The following NUMB variants were observed in gnomAD, a reference collection of about 807,000 sequenced individuals.
NUMB encodes protein numb homolog.
A neutral mutation model predicts 59.7 loss-of-function variants in NUMB; 29 were observed. That is an observed-to-expected ratio of 0.49 (90% CI 0.36 to 0.66). The LOEUF is 0.66. Ranked by LOEUF, NUMB falls within the 30% of genes least tolerant of loss-of-function variation. The pLI, the probability that NUMB is intolerant of heterozygous loss-of-function variation, is 0.00. For synonymous variants in NUMB, 288 were observed against 288.2 expected, an observed-to-expected ratio of 1.00 and a Z score of 0.01; for missense variants, 723 against 822.0, an observed-to-expected ratio of 0.88 and a Z score of 1.47.
intron 6 of NUMB, among the ~76,000 whole-genome samples, chr14:73,310,742 A>G (rs189664994): frequency 0.064 from 9,745 of 152,214 alleles, 750 homozygotes; most frequent in African/African-American, 0.18. Flanking sequence ...AAAGCACATA[A>G]TAAACTATAA....
rs778679431 is a variant in NUMB at position 73,277,032 on chromosome 14, A to C, written c.1502T>G (p.Leu501Arg). ...QPVPVGVVPALQPAFVPAQSY... is the reference protein window; with the variant it reads ...QPVPVGVVPARQPAFVPAQSY... ...CTGGGCAGGGACAAAGGCTGGTTGCAGGGCTGGGACCACACCCACTGGCAC... is the reference window on the plus strand; with the variant it reads ...CTGGGCAGGGACAAAGGCTGGTTGCCGGGCTGGGACCACACCCACTGGCAC... Residue 501 changes from leucine (L) to arginine (R), a missense_variant, in exon 13 of 13, where the codon CTG becomes CGG. This residue lies in a region of NUMB where 406 missense variants were observed against 385.4 expected (regional missense o/e 1.05). Coordinates refer to ENST00000555238, the MANE Select transcript of NUMB (RefSeq NM_001005743.2). The C allele has an allele frequency of 6.2e-6, 10 of 1,613,988 alleles. No homozygotes were observed. Among genetic ancestry groups the C allele is most frequent in the Non-Finnish European group, 8.5e-6 (10 of 1,180,038 alleles).
intron 6 of NUMB, among the ~76,000 whole-genome samples, chr14:73,309,137 G>C (rs1396977811): frequency 1.3e-5 from 2 of 152,192 alleles, no homozygotes; most frequent in Non-Finnish European, 2.9e-5. Flanking sequence ...GGAGGAGTTG[G>C]CCTCTGTGAG....
At chr14:73,357,885 C>CT (rs1238794943) in intron 3 of NUMB, among the ~76,000 whole-genome samples, 1 of 139,168 alleles carries the variant, frequency 7.2e-6, no homozygotes, top group East Asian at 2.0e-4. Context: ...TCCTGAGGCC[C>CT]CCCCCAAAAA....
At chr14:73,309,718 T>TATAATAATAATAATAATA (rs199953380) in intron 6 of NUMB, among the ~76,000 whole-genome samples, 1 of 137,232 alleles carries the variant, frequency 7.3e-6, no homozygotes. Flanking sequence ...GAACTTAAGG[T>TATAATAATAATAATAATA]ATAATAATAA....
At chr14:73,342,192 T>C (rs1892671558) in intron 4 of NUMB, among the ~76,000 whole-genome samples, 1 of 152,242 alleles carries the variant, frequency 6.6e-6, no homozygotes, top group African/African-American at 2.4e-5. Context: ...CCACTGTCCC[T>C]GGCCCCATTT....
intron 2 of NUMB, 99 bp from the exon 3 acceptor site, chr14:73,367,080 TAA>T (rs1215395052): frequency 1.3e-5 from 2 of 151,740 alleles, no homozygotes; most frequent in African/African-American, 2.4e-5. Flanking sequence ...ACACACAAAA[TAA>T]AGAGGTCCCA....
chr14:73,397,812 T>C lies in NUMB; in HGVS notation c.-101+12125A>G, dbSNP rs552668960. 2.0e-5 allele frequency among the ~76,000 whole-genome samples: 3 copies of C among 152,338 alleles called. No homozygotes were observed. The South Asian group carries it at 6.2e-4, about 32-fold the overall frequency. ...CTATAAAGGTTTGGATTAAGAGTTC[T>C]GTATAGTTGGAAGTTTTGCACCCCC... On this transcript the variant is annotated intron_variant, in intron 2 of 12. Transcript: ENST00000555238.
rs1348576241 is a variant in NUMB at position 73,316,504 on chromosome 14, G to GA, written c.202-83dup. On this transcript the variant is annotated intron_variant, in intron 5 of 12. Transcript: ENST00000555238. Reference sequence around the variant, plus strand: ...AGTTTCACACCAATAAGCACATACAGAAATTGGGGAAAGGAAAAAGTGGGA... The same window carrying GA: ...AGTTTCACACCAATAAGCACATACAGAAAATTGGGGAAAGGAAAAAGTGGGA... The GA allele has an allele frequency of 3.0e-6, 4 of 1,318,458 alleles. No individual in the cohort carries two copies. The African/African-American group carries it at 4.4e-5, about 14-fold the overall frequency. 81.7% of individuals were successfully genotyped at this position (1,318,458 alleles called of 1,614,324 possible). A position where few individuals can be genotyped will look rare whatever the true frequency, so the allele number is the denominator to read the frequency against.
In NUMB at chr14:73,367,344, T is replaced by G. The variant is rs559842032; in HGVS notation, c.-100-363A>C. Among the ~76,000 whole-genome samples the G allele has an allele frequency of 8.0e-3, 671 of 84,070 alleles. 3 individuals are homozygous for G. The highest frequency in any genetic ancestry group is 0.014 in the African/African-American group (172 of 12,354). The allele number at this position is 84,070 out of a possible 152,430, so 55.2% of individuals were successfully genotyped here. ...ACACATATATACATATATATATATA[T>G]ATATAGAGAGAGAGAGAGAGAGAGA... On this transcript the variant is annotated intron_variant, in intron 2 of 12. Coordinates refer to ENST00000555238, the MANE Select transcript of NUMB (RefSeq NM_001005743.2).
chr14:73,345,986 T>C (rs907829865), intron 4 of NUMB, among the ~76,000 whole-genome samples: 1 of 152,166 alleles, frequency 6.6e-6, no homozygotes, highest in African/African-American at 2.4e-5. Context: ...GTGTGGTAAC[T>C]TGAATAGCAT....
intron 5 of NUMB, among the ~76,000 whole-genome samples, chr14:73,317,234 A>G (rs1231667483): frequency 6.6e-6 from 1 of 152,240 alleles, no homozygotes; most frequent in Admixed American, 6.5e-5. Context: ...GTGGGCCACA[A>G]CTGAAATTTA....
chr14:73,313,701 C>A (rs962215804), intron 6 of NUMB, among the ~76,000 whole-genome samples: 3 of 142,270 alleles, frequency 2.1e-5, no homozygotes, highest in Admixed American at 7.1e-5. Flanking sequence ...AATCCATAAC[C>A]CTTCAGGTCC....
chr14:73,443,353 T>C (rs1883208471), intron 1 of NUMB, among the ~76,000 whole-genome samples: 2 of 151,994 alleles, frequency 1.3e-5, no homozygotes, highest in Admixed American at 6.6e-5. Flanking sequence ...CCCAGCACTT[T>C]GGGAGGCTGA....
intron 6 of NUMB, among the ~76,000 whole-genome samples, chr14:73,307,731 T>C (rs1468393496): frequency 7.3e-6 from 1 of 137,136 alleles, no homozygotes; most frequent in East Asian, 2.2e-4. Context: ...CCTCTGTCTT[T>C]TTTTTTTTTT....
chr14:73,410,407 G>C (rs1282021459), intron 1 of NUMB, among the ~76,000 whole-genome samples: 2 of 152,192 alleles, frequency 1.3e-5, no homozygotes, highest in African/African-American at 4.8e-5. Flanking sequence ...CTAGGAGTCA[G>C]AAGACCTGGG....
chr14:73,367,774 C>CAAAAA (rs11463575), intron 2 of NUMB, among the ~76,000 whole-genome samples: 5 of 111,846 alleles, frequency 4.5e-5, no homozygotes, highest in Non-Finnish European at 5.3e-5. Context: ...GACCCTGTTT[C>CAAAAA]AAAAAAAAAA....
At chr14:73,367,296 T>TATATAC (rs1406816784) in intron 2 of NUMB, among the ~76,000 whole-genome samples, 38 of 121,008 alleles carry the variant, frequency 3.1e-4, no homozygotes, top group African/African-American at 1.3e-3. Context: ...TATATATATA[T>TATATAC]ACACACACAC....
At chr14:73,427,595 T>C (rs1022959397) in intron 1 of NUMB, among the ~76,000 whole-genome samples, 2 of 152,062 alleles carry the variant, frequency 1.3e-5, no homozygotes, top group African/African-American at 4.8e-5. Context: ...AATTGGGGTC[T>C]AGAGGCAATC....
chr14:73,281,293 G>T (rs2139801596), intron 11 of NUMB: 1 of 151,826 alleles, frequency 6.6e-6, no homozygotes, highest in African/African-American at 2.4e-5. Context: ...CTTGTTGTGG[G>T]GATTAAATGA....
Sources: allele counts gnomAD v4.1 joint callset (sites outside exome capture counted in the v4.1 genomes callset), GRCh38; gene constraint gnomAD v4.1.1; regional missense constraint gnomAD v4.1.1; transcripts MANE v1.5; gene names NCBI Gene and HGNC (gene_info 2026-07-23, HGNC 2026-07-21).